The following PKD1L3 variants were observed in gnomAD, a reference collection of about 807,000 sequenced individuals.
PKD1L3 encodes the protein polycystin-1-like protein 3.
A neutral mutation model predicts 184.1 loss-of-function variants in PKD1L3; 239 were observed. That is an observed-to-expected ratio of 1.30 (90% CI 1.17 to 1.45). PKD1L3 has a LOEUF of 1.45. PKD1L3 is among the 40% of genes most tolerant of loss of function. PKD1L3 has a pLI of 0.00. For missense variants in PKD1L3, 2,660 were observed against 2,067.2 expected (o/e 1.29, Z -5.56); for synonymous variants, 996 against 778.8 (o/e 1.28, Z -4.64).
At chr16:71,989,019 T>C (rs768101130) in intron 4 of PKD1L3, among the ~76,000 whole-genome samples, 3 of 152,202 alleles carry the variant, frequency 2.0e-5, no homozygotes, top group Non-Finnish European at 4.4e-5. Flanking sequence ...AGTGCTGTTT[T>C]TGCACCTGCC....
intron 6 of PKD1L3, among the ~76,000 whole-genome samples, chr16:71,983,167 G>T (rs1169966302): frequency 1.3e-5 from 2 of 152,144 alleles, no homozygotes; most frequent in African/African-American, 4.8e-5. Flanking sequence ...TTTAATTTCA[G>T]ACAGAGTGTG....
At chr16:71,965,340 A>G (rs919477543) in intron 15 of PKD1L3, among the ~76,000 whole-genome samples, 11 of 152,196 alleles carry the variant, frequency 7.2e-5, no homozygotes, top group Admixed American at 4.6e-4. Flanking sequence ...TGCTATGAAT[A>G]TATGTGTACA....
At chr16:71,956,918 G>A (rs559569180) in intron 16 of PKD1L3, among the ~76,000 whole-genome samples, 1 of 152,312 alleles carries the variant, frequency 6.6e-6, no homozygotes, top group South Asian at 2.1e-4. Context: ...ACATGCAGCA[G>A]TGATTAAGAA....
intron 13 of PKD1L3, among the ~76,000 whole-genome samples, chr16:71,969,041 C>T (rs565203587): frequency 6.6e-6 from 1 of 152,276 alleles, no homozygotes; most frequent in East Asian, 1.9e-4. Context: ...AGCAATTCTC[C>T]TGCCTCAGCC....
At chr16:71,998,592 A>G (rs995248875) in intron 1 of PKD1L3, among the ~76,000 whole-genome samples, 198 bp from the exon 2 acceptor site, 6 of 152,190 alleles carry the variant, frequency 3.9e-5, no homozygotes, top group African/African-American at 1.4e-4. Context: ...CTGGGATTAC[A>G]GGCACCCGCC....
Position 71,967,269 on chromosome 16 carries a change from T to C in PKD1L3, c.2333A>G (p.His778Arg). 1.3e-6 allele frequency: 2 copies of C among 1,551,550 alleles called. No individual in the cohort carries two copies. The highest frequency in any genetic ancestry group is 2.0e-5 in the Admixed American group (1 of 50,986). The change falls in exon 15 of 30, where the codon CAC becomes CGC. Residue 778 changes from histidine (H) to arginine (R), a missense_variant. His to Arg is a conservative substitution (Grantham distance 29). Coordinates refer to ENST00000620267, the MANE Select transcript of PKD1L3 (RefSeq NM_181536.2). Reference sequence around the variant, plus strand: ...GACTGTCTTCTGGGGGTCACAGAGGTGATGGGGCTCACTCCGTCCCTCTGA... The same window carrying C: ...GACTGTCTTCTGGGGGTCACAGAGGCGATGGGGCTCACTCCGTCCCTCTGA... ...YGSEGRSEPH[H>R]LCDPQKTVFE...
intron 25 of PKD1L3, among the ~76,000 whole-genome samples, chr16:71,936,346 G>A (rs1359372933): frequency 6.6e-6 from 1 of 150,894 alleles, no homozygotes; most frequent in African/African-American, 2.4e-5. Context: ...GGGACTATAG[G>A]AGCCCGCCAC....
Position 71,933,961 on chromosome 16 carries a change from C to G in PKD1L3, c.4778G>C (p.Gly1593Ala). ...CAGGATTAGGATGATCAGCAGAAAG[C>G]CCACCACCTCGTCCCAGGCTCGGCT... ...TLSRAWDEVV[G>A]FLLIILILLT... The change falls in exon 27 of 30, where the codon GGC becomes GCC. Residue 1593 changes from glycine to alanine, a missense_variant. Coordinates refer to ENST00000620267, the MANE Select transcript of PKD1L3 (RefSeq NM_181536.2). 8 of 1,551,578 alleles carry G rather than the reference C, an allele frequency of 5.2e-6. No homozygotes were observed. Among genetic ancestry groups the G allele is most frequent in the Non-Finnish European group, 7.0e-6 (8 of 1,146,974 alleles).
At chr16:71,956,267 C>T (rs2039046211) in intron 16 of PKD1L3, among the ~76,000 whole-genome samples, 1 of 133,056 alleles carries the variant, frequency 7.5e-6, no homozygotes, top group Admixed American at 9.3e-5. Context: ...GATCTTGGCT[C>T]ACTGCAACCT....
chr16:71,929,583 C>T lies in PKD1L3; in HGVS notation c.5154G>A (p.Thr1718=), dbSNP rs751179893. 1.2e-5 allele frequency: 18 copies of T among 1,551,626 alleles called. No individual in the cohort carries two copies. Among genetic ancestry groups the T allele is most frequent in the Admixed American group, 2.0e-5 (1 of 50,968 alleles). ...PQKTSSEQAA[T]TAVGSDTEVL... is the part of the protein sequence containing the mutation. Reference sequence around the variant, plus strand: ...CTTCAGTGTCACTGCCCACTGCTGTCGTGGCTGCTTGCTCAGATGAGGTTT... The same window carrying T: ...CTTCAGTGTCACTGCCCACTGCTGTTGTGGCTGCTTGCTCAGATGAGGTTT... The change falls in exon 30 of 30, where the codon ACG becomes ACA. Residue 1718 remains threonine, a synonymous_variant. Coordinates refer to ENST00000620267, the MANE Select transcript of PKD1L3 (RefSeq NM_181536.2).
intron 7 of PKD1L3, 61 bp from the exon 8 acceptor site, chr16:71,980,195 T>C: frequency 6.6e-7 from 1 of 1,513,924 alleles, no homozygotes; most frequent in Non-Finnish European, 8.9e-7. Flanking sequence ...GTTAGTAAAA[T>C]AATGTTTTGG....
chr16:71,980,146 G>A lies in PKD1L3; in HGVS notation c.1144-12C>T, dbSNP rs2040093999. 4.5e-6 allele frequency: 7 copies of A among 1,550,968 alleles called. No homozygotes were observed. The East Asian group carries it at 7.3e-5, about 16-fold the overall frequency. On this transcript the variant is annotated splice_polypyrimidine_tract_variant and intron_variant, in intron 7 of 29. Coordinates refer to ENST00000620267, the MANE Select transcript of PKD1L3 (RefSeq NM_181536.2). ...AGGATGTCTTCTACCTGCATGGAAA[G>A]GAAAACAGTGTGTGACTTGTAAAAC...
Position 71,967,207 on chromosome 16 carries a change from T to C in PKD1L3, c.2395A>G (p.Thr799Ala), listed in dbSNP as rs1387054598. 9.0e-6 allele frequency: 14 copies of C among 1,551,532 alleles called. No homozygotes were observed. Among genetic ancestry groups the C allele is most frequent in the Non-Finnish European group, 1.2e-5 (14 of 1,146,964 alleles). ...TGCAGGTTCCCTAGAGAGGTCCAAG[T>C]GGTGAGAAGGAAGACATCCAGGCCC... ...RGGLDVFLLT[T>A]WTSLGNLHSL... Residue 799 changes from threonine (T) to alanine (A), a missense_variant, in exon 15 of 30, where the codon ACT becomes GCT. Thr to Ala is a moderately conservative substitution (Grantham distance 58). Transcript: ENST00000620267.
rs2040909058 is a variant in PKD1L3, at chr16:71,999,827, C to T, written c.152G>A (p.Cys51Tyr). 3.9e-6 allele frequency: 6 copies of T among 1,551,756 alleles called. No individual in the cohort carries two copies. The highest frequency in any genetic ancestry group is 5.2e-6 in the Non-Finnish European group (6 of 1,147,012). ...AGCTAGGAATCCTCTCTGCACATGA[C>T]AGTAATGCTGTGCTTCCTCAAAGCT... ...QCSFEEAQHY[C>Y]HVQRGFLAHI... is the part of the protein sequence containing the mutation. The change falls in exon 1 of 30, where the codon TGT (cysteine) becomes TAT (tyrosine). Residue 51 changes from cysteine to tyrosine, a missense_variant. Cys to Tyr is a radical substitution (Grantham distance 194). Transcript: ENST00000620267.
intron 22 of PKD1L3, among the ~76,000 whole-genome samples, chr16:71,945,562 C>T (rs1046965728): frequency 6.6e-6 from 1 of 151,668 alleles, no homozygotes; most frequent in Non-Finnish European, 1.5e-5. Flanking sequence ...CCTGTAATCA[C>T]AGCTACTCGG....
At chr16:71,995,777 G>C (rs536039445) in intron 2 of PKD1L3, among the ~76,000 whole-genome samples, 3 of 152,278 alleles carry the variant, frequency 2.0e-5, no homozygotes, top group East Asian at 1.9e-4. Context: ...GTCAAGGGTA[G>C]ATGTATATGT....
intron 15 of PKD1L3, among the ~76,000 whole-genome samples, chr16:71,966,328 C>T (rs946549366): frequency 6.6e-6 from 1 of 152,108 alleles, no homozygotes; most frequent in East Asian, 1.9e-4. Context: ...AAACCTAACA[C>T]GTTAGGTTCA....
intron 22 of PKD1L3, among the ~76,000 whole-genome samples, chr16:71,945,196 A>G (rs936777855): frequency 6.9e-6 from 1 of 145,500 alleles, no homozygotes; most frequent in Non-Finnish European, 1.5e-5. Flanking sequence ...TTTAATGTGC[A>G]TAGGAATCAT....
chr16:71,942,862 GGAA>G lies in PKD1L3; in HGVS notation c.4019_4021del (p.Leu1340del), dbSNP rs773012555. On this transcript the variant is annotated inframe_deletion, in exon 24 of 30. Transcript: ENST00000620267. ...ACCTCTGTAATCCCCATACAGGCTAGGAAGAAGGATATGATTGGCCCAGGGGTA... is the reference window on the plus strand; with the variant it reads ...ACCTCTGTAATCCCCATACAGGCTAGGAAGGATATGATTGGCCCAGGGGTA... 6.4e-7 allele frequency: 1 copy of G among 1,551,646 alleles called. No individual in the cohort carries two copies. Among genetic ancestry groups the G allele is most frequent in the South Asian group, 1.2e-5 (1 of 84,062 alleles).
Sources: allele counts gnomAD v4.1 joint callset (sites outside exome capture counted in the v4.1 genomes callset), GRCh38; gene constraint gnomAD v4.1.1; transcripts MANE v1.5; gene names NCBI Gene and HGNC (gene_info 2026-07-23, HGNC 2026-07-21).